The following CDH13 variants were observed in gnomAD, a reference collection of about 807,000 sequenced individuals.
CDH13 encodes the protein cadherin-13.
In CDH13, 24 loss-of-function variants were observed where a neutral mutation model predicts 63.8. The ratio of observed to expected loss-of-function variants is 0.38; its 90% CI spans 0.27 to 0.53. The LOEUF (loss-of-function observed/expected upper bound fraction) is 0.53, where lower values mean the gene tolerates loss of function less well. CDH13 is among the 20% of genes least tolerant of loss of function. CDH13 has a pLI of 0.85. For synonymous variants in CDH13, 503 were observed against 355.3 expected (o/e 1.42, Z -4.67); for missense variants, 1,049 against 903.1 (o/e 1.16, Z -2.07).
chr16:82,666,098 T>C (rs895775398), intron 1 of CDH13, among the ~76,000 whole-genome samples: 1 of 152,164 alleles, frequency 6.6e-6, no homozygotes, highest in African/African-American at 2.4e-5. Context: ...GATTCTTAAG[T>C]TAATGGCATC....
At chr16:82,994,701 A>T (rs898955551) in intron 2 of CDH13, among the ~76,000 whole-genome samples, 29 of 152,220 alleles carry the variant, frequency 1.9e-4, no homozygotes, top group Non-Finnish European at 3.4e-4. Context: ...ACCAATCTCC[A>T]TTGATACCTA....
At chr16:83,365,909 A>C (rs936813386) in intron 6 of CDH13, among the ~76,000 whole-genome samples, 1 of 151,996 alleles carries the variant, frequency 6.6e-6, no homozygotes, top group South Asian at 2.1e-4. Context: ...CCCCCCAGGG[A>C]CTCCAATAAG....
rs542037368 is a variant in CDH13 at position 83,009,737 on chromosome 16, T to C, written c.158-22273T>C. On this transcript the variant is annotated intron_variant, in intron 2 of 13. Coordinates refer to ENST00000567109, the MANE Select transcript of CDH13 (RefSeq NM_001257.5). The stretch of plus-strand genomic sequence containing the variant: ...ACTGAGTCATGTAGCTGTACAAGCA[T>C]TTAGGAGATTATGCCATCTAGGAAA... Among the ~76,000 whole-genome samples the C allele has an allele frequency of 1.7e-4, 26 of 152,342 alleles. No homozygotes were observed. The East Asian group carries it at 3.9e-3, about 23-fold the overall frequency.
At chr16:83,109,401 A>G (rs1306689376) in intron 3 of CDH13, among the ~76,000 whole-genome samples, 2 of 152,132 alleles carry the variant, frequency 1.3e-5, no homozygotes, top group Non-Finnish European at 2.9e-5. Flanking sequence ...GTAAGTGGGA[A>G]GGGCCGGATT....
At chr16:82,941,445 G>C (rs761571071) in intron 2 of CDH13, among the ~76,000 whole-genome samples, 3 of 152,200 alleles carry the variant, frequency 2.0e-5, no homozygotes, top group Non-Finnish European at 4.4e-5. Context: ...TCTAAGATCA[G>C]CTTCTGCTTA....
At chr16:82,783,964 A>C (rs17277145) in intron 1 of CDH13, among the ~76,000 whole-genome samples, 45,733 of 152,080 alleles carry the variant, frequency 0.3, 7,476 homozygotes, top group South Asian at 0.45. Context: ...TAGAAATTCA[A>C]TTTGTTTTTT....
intron 2 of CDH13, among the ~76,000 whole-genome samples, chr16:82,869,167 C>A (rs2040256735): frequency 1.3e-5 from 2 of 152,320 alleles, no homozygotes; most frequent in Admixed American, 1.3e-4. Flanking sequence ...ATGCCTCAGC[C>A]TTCCGAGTAG....
At chr16:83,430,822 C>A (rs1567667514) in intron 6 of CDH13, among the ~76,000 whole-genome samples, 1 of 149,178 alleles carries the variant, frequency 6.7e-6, no homozygotes, top group East Asian at 2.0e-4. Context: ...CACACCAGTT[C>A]TTTTTTTTTT....
intron 2 of CDH13, among the ~76,000 whole-genome samples, chr16:83,019,646 C>T (rs1012801752): frequency 6.6e-6 from 1 of 151,576 alleles, no homozygotes; most frequent in Non-Finnish European, 1.5e-5. Flanking sequence ...CAGGCACCAG[C>T]CACCCCACCC....
intron 7 of CDH13, among the ~76,000 whole-genome samples, chr16:83,570,939 A>T: frequency 1.2e-5 from 1 of 85,460 alleles, no homozygotes; most frequent in Non-Finnish European, 2.3e-5. Flanking sequence ...TATATTTATA[A>T]CTCATCCATA....
intron 7 of CDH13, among the ~76,000 whole-genome samples, chr16:83,596,148 T>C (rs1041593346): frequency 9.9e-5 from 15 of 152,180 alleles, no homozygotes; most frequent in African/African-American, 3.6e-4. Context: ...TTGACCTTGA[T>C]AATGGGGCCC....
chr16:83,490,010 C>CACACAT (rs1491486299), intron 7 of CDH13, among the ~76,000 whole-genome samples: 2 of 12,260 alleles, frequency 1.6e-4, no homozygotes, highest in African/African-American at 3.5e-4. Context: ...CTGCAGAAAC[C>CACACAT]ACACACACAC....
chr16:82,944,946 CA>C (rs1904535041), intron 2 of CDH13, among the ~76,000 whole-genome samples: 2 of 152,040 alleles, frequency 1.3e-5, no homozygotes, highest in African/African-American at 4.8e-5. Context: ...GGGGGAAATA[CA>C]AATTAAAGTA....
intron 2 of CDH13, among the ~76,000 whole-genome samples, chr16:83,018,370 T>C (rs946150216): frequency 7.9e-5 from 12 of 152,218 alleles, no homozygotes; most frequent in Admixed American, 3.9e-4. Flanking sequence ...TACTGTCTTG[T>C]ACATTGTAAG....
intron 5 of CDH13, among the ~76,000 whole-genome samples, chr16:83,242,878 C>T (rs1597583224): frequency 6.6e-6 from 1 of 152,192 alleles, no homozygotes; most frequent in South Asian, 2.1e-4. Flanking sequence ...CTCATCTTCT[C>T]TGGCTCAGAG....
chr16:83,756,727 A>G (rs2080985017), intron 11 of CDH13, among the ~76,000 whole-genome samples: 2 of 152,230 alleles, frequency 1.3e-5, no homozygotes, highest in South Asian at 4.1e-4. Context: ...GAAGGGAGGT[A>G]TCAAAAAGAA....
Position 82,836,454 on chromosome 16 carries a change from C to A in CDH13, c.46-21908C>A, listed in dbSNP as rs140633476. ...CATGAGCCGCTGTGCCTGGCCAAGACGTAATTATTAAAATTAACAATGTTC... is the reference window on the plus strand; with the variant it reads ...CATGAGCCGCTGTGCCTGGCCAAGAAGTAATTATTAAAATTAACAATGTTC... On this transcript the variant is annotated intron_variant, in intron 1 of 13. Coordinates refer to ENST00000567109, the MANE Select transcript of CDH13 (RefSeq NM_001257.5). Among the ~76,000 whole-genome samples, 395 of 152,130 alleles carry A rather than the reference C, an allele frequency of 2.6e-3. 3 individuals carry two copies. The highest frequency in any genetic ancestry group is 9.2e-3 in the African/African-American group (380 of 41,524).
At chr16:83,432,509 C>T (rs2072151447) in intron 6 of CDH13, among the ~76,000 whole-genome samples, 1 of 152,144 alleles carries the variant, frequency 6.6e-6, no homozygotes, top group Admixed American at 6.5e-5. Flanking sequence ...AGAACAGTGG[C>T]AAGGATCCCC....
chr16:83,781,628 A>G (rs956834835), intron 12 of CDH13, among the ~76,000 whole-genome samples: 2 of 152,154 alleles, frequency 1.3e-5, no homozygotes, highest in Non-Finnish European at 2.9e-5. Flanking sequence ...ATTCTGTTAT[A>G]CTGATTATTT....
Sources: allele counts gnomAD v4.1 joint callset (sites outside exome capture counted in the v4.1 genomes callset), GRCh38; gene constraint gnomAD v4.1.1; transcripts MANE v1.5; gene names NCBI Gene and HGNC (gene_info 2026-07-23, HGNC 2026-07-21).